The following LCORL variants were observed in gnomAD, a reference collection of about 807,000 sequenced individuals.
LCORL encodes the protein ligand-dependent nuclear receptor corepressor-like protein.
A neutral mutation model predicts 141.8 loss-of-function variants in LCORL; 41 were observed. The ratio of observed to expected loss-of-function variants is 0.29; its 90% CI spans 0.23 to 0.38. The LOEUF (loss-of-function observed/expected upper bound fraction) is 0.38, where lower values mean the gene tolerates loss of function less well. Ranked by LOEUF, LCORL falls within the 10% of genes least tolerant of loss-of-function variation. The pLI is 1.00. For missense variants in LCORL, 1,759 were observed against 2,035.0 expected, an observed-to-expected ratio of 0.86 and a Z score of 2.61; for synonymous variants, 618 against 694.1, an observed-to-expected ratio of 0.89 and a Z score of 1.72.
chr4:17,926,488 A>G (rs928408945), intron 4 of LCORL, among the ~76,000 whole-genome samples: 12 of 152,288 alleles, frequency 7.9e-5, no homozygotes, highest in Admixed American at 1.3e-4. Context: ...ACCTACACCA[A>G]TGGTTTGACA....
chr4:17,878,092 A>C (rs1727105855), exon 7 of LCORL: 53 of 1,230,580 alleles, frequency 4.3e-5, no homozygotes, highest in Non-Finnish European at 5.1e-5. Context: ...TGGACTAGAA[A>C]TTTCAACATA....
At chr4:18,018,416 G>T (rs963474502) in intron 1 of LCORL, among the ~76,000 whole-genome samples, 1 of 152,090 alleles carries the variant, frequency 6.6e-6, no homozygotes. Flanking sequence ...TGTAAGTAGA[G>T]ATATTAATTG....
Position 17,998,991 on chromosome 4 carries a change from TATATATATATATACACAC to T in LCORL, c.154+22589_154+22606del, listed in dbSNP as rs1471724261. On this transcript the variant is annotated intron_variant, in intron 1 of 7. Coordinates refer to ENST00000635767, the Ensembl canonical transcript of LCORL. ...AAAAAAAAAAAAAAAAAAAAATATA[TATATATATATATACACAC>T]ATATATATATATATATATATAGTAT... 1.5e-3 allele frequency among the ~76,000 whole-genome samples: 86 copies of T among 58,976 alleles called. 1 individual carries two copies. The South Asian group carries it at 0.015, about 10-fold the overall frequency. 38.7% of individuals were successfully genotyped at this position (58,976 alleles called of 152,430 possible).
At chr4:17,944,552 G>A (rs569068786) in intron 4 of LCORL, among the ~76,000 whole-genome samples, 167 of 152,200 alleles carry the variant, frequency 1.1e-3, no homozygotes, top group African/African-American at 3.8e-3. Context: ...GATGGCTCCT[G>A]TGTTCCCATA....
intron 7 of LCORL, among the ~76,000 whole-genome samples, chr4:17,857,035 C>T (rs767281744): frequency 2.0e-5 from 3 of 152,138 alleles, no homozygotes; most frequent in Non-Finnish European, 2.9e-5. Context: ...AGAAACTGGA[C>T]AAATATTTGC....
At chr4:18,001,108 C>T (rs557653864) in intron 1 of LCORL, among the ~76,000 whole-genome samples, 190 of 152,242 alleles carry the variant, frequency 1.2e-3, no homozygotes, top group African/African-American at 3.8e-3. Flanking sequence ...GTGTTCGAAG[C>T]TGCAGTGAGC....
In LCORL at chr4:17,910,415, C is replaced by T. The variant is rs374806803; in HGVS notation, c.431-1070G>A. Among the ~76,000 whole-genome samples the T allele has an allele frequency of 2.6e-4, 40 of 152,178 alleles. No individual in the cohort carries two copies. The South Asian group carries it at 5.8e-3, about 22-fold the overall frequency. On this transcript the variant is annotated intron_variant, in intron 4 of 7. Coordinates refer to ENST00000635767, the Ensembl canonical transcript of LCORL. ...GGGATATACTTTTTCCTCTTAGAAA[C>T]GGGCCTACTTGTAGAGATACTAGTT...
intron 4 of LCORL, among the ~76,000 whole-genome samples, chr4:17,926,155 T>G (rs1735111686): frequency 6.6e-6 from 1 of 152,134 alleles, no homozygotes; most frequent in African/African-American, 2.4e-5. Flanking sequence ...GGGCTCAAGT[T>G]GACAAGGGAT....
intron 4 of LCORL, among the ~76,000 whole-genome samples, chr4:17,944,727 C>T (rs974936976): frequency 2.0e-5 from 3 of 152,152 alleles, no homozygotes; most frequent in African/African-American, 7.2e-5. Flanking sequence ...AGAAGTCCTG[C>T]ACTTCAGCGG....
rs538175656 is a variant in LCORL at position 17,966,899 on chromosome 4, T to C, written c.221-3850A>G. On this transcript the variant is annotated intron_variant, in intron 2 of 7. Transcript: ENST00000635767. ...TTACAGTTTCTTACAAAACTAAACATAGTCTATCAATGATGCTCCTAAATA... is the reference window on the plus strand; with the variant it reads ...TTACAGTTTCTTACAAAACTAAACACAGTCTATCAATGATGCTCCTAAATA... 1.2e-4 allele frequency among the ~76,000 whole-genome samples: 19 copies of C among 152,252 alleles called. No individual in the cohort carries two copies. In the East Asian group the frequency reaches 3.1e-3, roughly 25 times the overall value.
intron 6 of LCORL, chr4:17,883,190 T>C: frequency 1.0e-6 from 1 of 981,662 alleles, no homozygotes; most frequent in Non-Finnish European, 1.2e-6. Context: ...TGCACTGTCG[T>C]GTACTAATAC....
intron 5 of LCORL, among the ~76,000 whole-genome samples, chr4:17,904,106 A>G (rs1344781399): frequency 6.6e-6 from 1 of 152,090 alleles, no homozygotes; most frequent in African/African-American, 2.4e-5. Context: ...CCTAACTATT[A>G]GAGTTGTCAA....
At chr4:17,868,902 T>A (rs758600821) in intron 7 of LCORL, among the ~76,000 whole-genome samples, 2 of 152,256 alleles carry the variant, frequency 1.3e-5, no homozygotes, top group Middle Eastern at 3.4e-3. Context: ...GACAGCTATT[T>A]CAAACCTTGT....
intron 4 of LCORL, among the ~76,000 whole-genome samples, chr4:17,919,372 ACACTTTCAACTC>A (rs1381435965): frequency 6.6e-6 from 1 of 152,202 alleles, no homozygotes. Context: ...AATGGAGGAA[ACACTTTCAACTC>A]TATTTAAGGG....
chr4:17,896,775 T>C (rs1172663601), intron 5 of LCORL, among the ~76,000 whole-genome samples: 5 of 152,204 alleles, frequency 3.3e-5, no homozygotes, highest in African/African-American at 7.2e-5. Context: ...TAAACTGTTA[T>C]TGACTACAGT....
intron 4 of LCORL, among the ~76,000 whole-genome samples, chr4:17,958,611 C>T (rs1180090951): frequency 6.6e-6 from 1 of 151,958 alleles, no homozygotes; most frequent in Non-Finnish European, 1.5e-5. Context: ...TCAAACTATA[C>T]ACAGTAATAC....
At chr4:17,850,162 TA>T (rs2109097022) in intron 7 of LCORL, among the ~76,000 whole-genome samples, 1 of 143,504 alleles carries the variant, frequency 7.0e-6, no homozygotes, top group South Asian at 2.4e-4. Flanking sequence ...ACGTTAGACC[TA>T]AAACCATAAA....
At chr4:17,950,019 AT>A (rs576187040) in intron 4 of LCORL, among the ~76,000 whole-genome samples, 3 of 151,544 alleles carry the variant, frequency 2.0e-5, no homozygotes, top group South Asian at 2.1e-4. Context: ...TGCCACCTCA[AT>A]TTTTTTTTAG....
At chr4:17,949,071 T>C (rs1024360940) in intron 4 of LCORL, among the ~76,000 whole-genome samples, 4 of 152,066 alleles carry the variant, frequency 2.6e-5, no homozygotes. Context: ...TAATTCCCCC[T>C]TTTCCAGGAT....
Sources: allele counts gnomAD v4.1 joint callset (sites outside exome capture counted in the v4.1 genomes callset), GRCh38; gene constraint gnomAD v4.1.1; transcripts MANE v1.5; gene names NCBI Gene and HGNC (gene_info 2026-07-23, HGNC 2026-07-21).